Variants in ASCC3 observed in about 807,000 individuals in gnomAD.
ASCC3 encodes the protein activating signal cointegrator 1 complex subunit 3, also known as ASC-1 complex subunit P200.
In ASCC3, 158 loss-of-function variants were observed where a neutral mutation model predicts 256.3. The observed-to-expected ratio is 0.62, with a 90% CI of 0.54 to 0.70. ASCC3 has a LOEUF of 0.70. Among genes scored for constraint, ASCC3 ranks in the 30% least tolerant of loss-of-function variants. ASCC3 has a pLI of 0.00. For missense variants in ASCC3, 2,259 were observed against 2,626.0 expected (o/e 0.86, Z 3.05); for synonymous variants, 948 against 883.4 (o/e 1.07, Z -1.30).
chr6:100,511,635 A>C (rs1288408730), intron 40 of ASCC3, among the ~76,000 whole-genome samples: 1 of 152,142 alleles, frequency 6.6e-6, no homozygotes, highest in Non-Finnish European at 1.5e-5. Context: ...TGGGAGGCTG[A>C]AGCAGGAGAA....
intron 34 of ASCC3, among the ~76,000 whole-genome samples, chr6:100,597,997 G>A (rs1010460890): frequency 2.7e-5 from 4 of 148,662 alleles, no homozygotes; most frequent in African/African-American, 1.0e-4. Context: ...AAAAAAAAGT[G>A]GATAAACTGT....
chr6:100,688,349 C>T (rs977085318), intron 13 of ASCC3, among the ~76,000 whole-genome samples: 1 of 151,536 alleles, frequency 6.6e-6, no homozygotes, highest in African/African-American at 2.4e-5. Flanking sequence ...ATATGTATAT[C>T]TGAGTAAACT....
intron 13 of ASCC3, among the ~76,000 whole-genome samples, chr6:100,709,039 A>G (rs1484817459): frequency 6.6e-6 from 1 of 151,990 alleles, no homozygotes; most frequent in African/African-American, 2.4e-5. Flanking sequence ...AATGGCAAAC[A>G]TACATTAGAT....
At chr6:100,821,822 T>G (rs2114424857) in intron 4 of ASCC3, among the ~76,000 whole-genome samples, 1 of 151,070 alleles carries the variant, frequency 6.6e-6, no homozygotes, top group East Asian at 1.9e-4. Flanking sequence ...AGACTCCGAC[T>G]CACCAAAAAA....
chr6:100,806,687 A>T (rs1770200668), intron 4 of ASCC3, among the ~76,000 whole-genome samples: 2 of 151,976 alleles, frequency 1.3e-5, no homozygotes, highest in Admixed American at 1.3e-4. Context: ...AAAACCATAA[A>T]ATAAAAATTT....
intron 24 of ASCC3, among the ~76,000 whole-genome samples, chr6:100,640,170 C>A (rs1190873845): frequency 9.9e-5 from 15 of 151,846 alleles, no homozygotes. Flanking sequence ...GGAGGCATTG[C>A]AAGTTAATGC....
intron 4 of ASCC3, among the ~76,000 whole-genome samples, chr6:100,816,795 T>A (rs766075646): frequency 6.6e-6 from 1 of 151,986 alleles, no homozygotes; most frequent in African/African-American, 2.4e-5. Context: ...TAGAAATAAC[T>A]AATAAGTTCC....
At chr6:100,735,080 C>T (rs188257268) in intron 10 of ASCC3, among the ~76,000 whole-genome samples, 158 of 152,084 alleles carry the variant, frequency 1.0e-3, no homozygotes, top group Non-Finnish European at 1.3e-3. Context: ...TAAAAGGCAT[C>T]CTTTTTTATT....
intron 12 of ASCC3, among the ~76,000 whole-genome samples, chr6:100,716,575 T>G (rs1408062758): frequency 6.6e-6 from 1 of 151,904 alleles, no homozygotes; most frequent in Non-Finnish European, 1.5e-5. Context: ...CATAGGATAA[T>G]TTACTCCTCA....
At chr6:100,543,721 T>C (rs1173744447) in intron 36 of ASCC3, among the ~76,000 whole-genome samples, 2 of 151,906 alleles carry the variant, frequency 1.3e-5, no homozygotes, top group African/African-American at 4.8e-5. Context: ...AAAAAACTTG[T>C]AGAAGTACAT....
At position 100,679,707 on chromosome 6, in the gene ASCC3, T is replaced by C. The variant is rs151155155; in HGVS notation, c.2197A>G (p.Met733Val). 1.2e-6 allele frequency: 2 copies of C among 1,613,694 alleles called. No individual in the cohort carries two copies. The highest frequency in any genetic ancestry group is 1.7e-5 in the Admixed American group (1 of 60,016). Residue 733 changes from methionine to valine, a missense_variant, in exon 14 of 42, where the codon ATG becomes GTG. By Grantham distance (21) the Met-to-Val change is conservative (BLOSUM62 1). Transcript: ENST00000369162. ...TTTTTTGCTCTTTCTATTAGAGACA[T>C]AGCTGTTCTTACAGTGGCATTTCGA... is the stretch of plus-strand genomic sequence containing the variant. ...HARNATVRTAMSLIERAKNCG... is the reference protein window; with the variant it reads ...HARNATVRTAVSLIERAKNCG...
intron 36 of ASCC3, among the ~76,000 whole-genome samples, chr6:100,587,071 A>G (rs2114765648): frequency 6.6e-6 from 1 of 152,302 alleles, no homozygotes; most frequent in Admixed American, 6.5e-5. Context: ...GACTTTCTTA[A>G]GTATTATAAT....
chr6:100,512,922 A>C lies in ASCC3; in HGVS notation c.6076-4T>G, dbSNP rs1417820669. 1 of 1,611,692 alleles carries C rather than the reference A, an allele frequency of 6.2e-7. No individual in the cohort carries two copies. Among genetic ancestry groups the C allele is most frequent in the Non-Finnish European group, 8.5e-7 (1 of 1,178,652 alleles). ...AGTGAGATAAGAAATTCCATGCCTA[A>C]ATAAAAAGAGAAAAGAAACAATAAA... On this transcript the variant is annotated splice_polypyrimidine_tract_variant and splice_region_variant and intron_variant, in intron 39 of 41. Transcript: ENST00000369162.
At chr6:100,611,518 G>A (rs1398698887) in intron 30 of ASCC3, among the ~76,000 whole-genome samples, 2 of 151,950 alleles carry the variant, frequency 1.3e-5, no homozygotes, top group African/African-American at 2.4e-5. Context: ...ATAATTTGTT[G>A]AGCACTTATA....
rs56886686 is a variant in ASCC3 at position 100,600,205 on chromosome 6, GCACACACA to G, written c.5303+1597_5303+1604del. On this transcript the variant is annotated intron_variant, in intron 34 of 41. Transcript: ENST00000369162. ...CTCCCATCTATACACACATGCACAT[GCACACACA>G]CACACACACACACACACACACACAC... is the stretch of plus-strand genomic sequence containing the variant. 5.5e-3 allele frequency among the ~76,000 whole-genome samples: 805 copies of G among 145,646 alleles called. 2 individuals are homozygous for G. The highest frequency in any genetic ancestry group is 0.012 in the East Asian group (59 of 4,786).
intron 8 of ASCC3, among the ~76,000 whole-genome samples, chr6:100,772,454 A>G (rs1781986774): frequency 6.6e-6 from 1 of 152,250 alleles, no homozygotes; most frequent in South Asian, 2.1e-4. Flanking sequence ...ATATATTGAT[A>G]CAATGGAATA....
At chr6:100,670,633 CTTT>C (rs35864984) in intron 14 of ASCC3, among the ~76,000 whole-genome samples, 1 of 141,272 alleles carries the variant, frequency 7.1e-6, no homozygotes, top group Non-Finnish European at 1.5e-5. Context: ...ATACAACCAA[CTTT>C]TTTTCCCCCC....
chr6:100,793,220 A>G (rs561276669), intron 8 of ASCC3, among the ~76,000 whole-genome samples: 1 of 152,182 alleles, frequency 6.6e-6, no homozygotes, highest in East Asian at 1.9e-4. Context: ...GTTATAAAGA[A>G]GTGTGACTTT....
Position 100,646,692 on chromosome 6 carries a change from C to A in ASCC3, c.3556G>T (p.Ala1186Ser). 6.2e-7 allele frequency: 1 copy of A among 1,613,250 alleles called. No individual in the cohort carries two copies. The change falls in exon 22 of 42, where the codon GCA (alanine) becomes TCA (serine). Residue 1186 changes from alanine to serine, a missense_variant. Around this residue, in one of 2 missense-constraint regions of ASCC3, gnomAD observed 1,839 missense variants for 2,206.7 expected, o/e 0.83. Coordinates refer to ENST00000369162, the MANE Select transcript of ASCC3 (RefSeq NM_006828.4). ...GTCCTTGTGATAGGCTGAATGGATGCTTCCATCATAACAGAAGGAATCTGA... is the reference window on the plus strand; with the variant it reads ...GTCCTTGTGATAGGCTGAATGGATGATTCCATCATAACAGAAGGAATCTGA... ...VHQIPSVMME[A>S]SIQPITRTVL...
Sources: gnomAD v4.1 joint callset for allele counts (sites outside exome capture counted in the v4.1 genomes callset) on GRCh38, gnomAD v4.1.1 for gene constraint, gnomAD v4.1.1 regional missense constraint, MANE v1.5 for transcripts, NCBI Gene and HGNC (gene_info 2026-07-23, HGNC 2026-07-21) for gene names.